INSL6: variants seen among roughly 807,000 people sequenced by gnomAD.
INSL6 encodes the protein insulin-like peptide INSL6.
In INSL6, 16 loss-of-function variants were observed where a neutral mutation model predicts 9.4. The ratio of observed to expected loss-of-function variants is 1.70; its 90% CI spans 1.15 to 2.59. The LOEUF (loss-of-function observed/expected upper bound fraction) is 2.59, where lower values mean the gene tolerates loss of function less well. INSL6 is among the 30% of genes most tolerant of loss of function. The pLI is 0.00. For synonymous variants in INSL6, 154 were observed against 96.9 expected (o/e 1.59, Z -3.46); for missense variants, 391 against 257.3 (o/e 1.52, Z -3.56).
downstream of INSL6, among the ~76,000 whole-genome samples, chr9:5,120,273 G>A (rs1023531470): frequency 6.6e-6 from 1 of 152,200 alleles, no homozygotes; most frequent in African/African-American, 2.4e-5. Context: ...TGAGGGAGAA[G>A]CCCTCATGGC....
chr9:5,167,380 G>C (rs1240863942), intron 1 of INSL6, among the ~76,000 whole-genome samples: 1 of 152,198 alleles, frequency 6.6e-6, no homozygotes, highest in African/African-American at 2.4e-5. Context: ...CGAGTTCCTG[G>C]GGGGAAGAGG....
downstream of INSL6, among the ~76,000 whole-genome samples, chr9:5,159,296 A>G (rs979590034): frequency 1.8e-4 from 27 of 152,288 alleles, no homozygotes; most frequent in African/African-American, 6.3e-4. Flanking sequence ...TTACTTGTCA[A>G]TAACAAAATT....
At chr9:5,112,809 T>C in the INSL6 span, 2 of 542,872 alleles carry the variant, frequency 3.7e-6, no homozygotes, top group Non-Finnish European at 3.0e-6. Context: ...GCTGCCCACC[T>C]GGGCTTGAGT....
chr9:5,141,002 G>A (rs1824485243), intron 2 of INSL6, among the ~76,000 whole-genome samples: 1 of 151,974 alleles, frequency 6.6e-6, no homozygotes, highest in Non-Finnish European at 1.5e-5. Flanking sequence ...AAGGATAATG[G>A]CCTCTAGCTC....
At chr9:5,026,491 G>T in the INSL6 span, among the ~76,000 whole-genome samples, 1 of 152,084 alleles carries the variant, frequency 6.6e-6, no homozygotes, top group South Asian at 2.1e-4. Context: ...TTTGTCATTT[G>T]TGCCGTTTCT....
intron 2 of INSL6, among the ~76,000 whole-genome samples, chr9:5,154,128 C>T (rs1362524755): frequency 2.0e-5 from 3 of 152,088 alleles, no homozygotes. Context: ...AACAGAGATA[C>T]AGACCAATGG....
At chr9:5,015,882 T>C in the INSL6 span, among the ~76,000 whole-genome samples, 1 of 150,540 alleles carries the variant, frequency 6.6e-6, no homozygotes, top group Non-Finnish European at 1.5e-5. Flanking sequence ...GATTGTGTCA[T>C]ATTAAAATAT....
At chr9:5,083,044 A>G in the INSL6 span, among the ~76,000 whole-genome samples, 1 of 152,234 alleles carries the variant, frequency 6.6e-6, no homozygotes, top group African/African-American at 2.4e-5. Flanking sequence ...GTGCATGAAC[A>G]TCTTCAAGAG....
the INSL6 span, among the ~76,000 whole-genome samples, chr9:5,046,402 A>G: frequency 2.0e-5 from 3 of 152,122 alleles, no homozygotes; most frequent in Non-Finnish European, 4.4e-5. Context: ...CAAAAGTTTT[A>G]AATTTGGCTG....
the INSL6 span, among the ~76,000 whole-genome samples, chr9:4,993,799 A>T: frequency 2.0e-5 from 3 of 152,194 alleles, no homozygotes; most frequent in Non-Finnish European, 2.9e-5. Context: ...TAAGAAAAAA[A>T]TGGATTCCTG....
chr9:5,076,996 G>A, the INSL6 span, among the ~76,000 whole-genome samples: 3 of 151,878 alleles, frequency 2.0e-5, no homozygotes, highest in Non-Finnish European at 1.5e-5. Context: ...ATTTTTTGCA[G>A]AATTAAAAGA....
At chr9:5,111,589 C>G in the INSL6 span, 1 of 366,276 alleles carries the variant, frequency 2.7e-6, no homozygotes, top group African/African-American at 2.2e-5. Context: ...AAGCCGAGCT[C>G]TGGAGTTCCC....
At chr9:5,022,272 G>A in the INSL6 span, 2 of 1,127,046 alleles carry the variant, frequency 1.8e-6, no homozygotes, top group Non-Finnish European at 1.3e-6. Flanking sequence ...ATTATGCTAT[G>A]CTAATACTAG....
rs184633645 is a variant in INSL6 at position 5,142,448 on chromosome 9, T to G, written c.377-8856A>C. On this transcript the variant is annotated intron_variant, in intron 2 of 3. Coordinates refer to the INSL6 transcript ENST00000649639. ...TTTCATTTTCTTAGTTAACTGTATTTCTAGCTATTCTAACTGTGAATGGGA... is the reference window on the plus strand; with the variant it reads ...TTTCATTTTCTTAGTTAACTGTATTGCTAGCTATTCTAACTGTGAATGGGA... Among the ~76,000 whole-genome samples, 16 of 151,478 alleles carry G rather than the reference T, an allele frequency of 1.1e-4. No individual in the cohort carries two copies. In the East Asian group the frequency reaches 3.1e-3, roughly 29 times the overall value.
chr9:5,044,049 A>C, the INSL6 span, among the ~76,000 whole-genome samples: 1 of 152,216 alleles, frequency 6.6e-6, no homozygotes. Context: ...CAAATAAGCA[A>C]TTATTTGTTT....
At chr9:5,023,273 C>G in the INSL6 span, among the ~76,000 whole-genome samples, 4 of 152,178 alleles carry the variant, frequency 2.6e-5, no homozygotes, top group South Asian at 2.1e-4. Flanking sequence ...CTTTCAGTTC[C>G]TGGCTTATTT....
rs949882923 is a variant in INSL6, at chr9:5,164,134, T to C, written c.421A>G (p.Ile141Val). The change falls in exon 2 of 2, where the codon ATT (isoleucine) becomes GTT (valine). Residue 141 changes from isoleucine to valine, a missense_variant. Coordinates refer to ENST00000381641, the MANE Select transcript of INSL6 (RefSeq NM_007179.3). ...TTCTGAAATTTTGCATTCTCATGAA[T>C]ATATACATTGATATTATGTGATGAA... ...FSSSHNINVY[I>V]HENAKFQKKR... 3 of 1,611,562 alleles carry C rather than the reference T, an allele frequency of 1.9e-6. No individual in the cohort carries two copies. In the African/African-American group the frequency reaches 4.0e-5, roughly 22 times the overall value.
the INSL6 span, chr9:5,111,285 C>T: frequency 2.1e-6 from 1 of 480,704 alleles, no homozygotes; most frequent in Non-Finnish European, 4.0e-6. Context: ...GGCTGGCTTC[C>T]TGCCGGGCAA....
chr9:5,117,497 T>C, the INSL6 span, among the ~76,000 whole-genome samples: 2 of 152,216 alleles, frequency 1.3e-5, no homozygotes, highest in African/African-American at 4.8e-5. Flanking sequence ...CACTCATTTT[T>C]TCATAAGTAT....
Sources: gnomAD v4.1 joint callset for allele counts (sites outside exome capture counted in the v4.1 genomes callset) on GRCh38, gnomAD v4.1.1 for gene constraint, MANE v1.5 for transcripts, NCBI Gene and HGNC (gene_info 2026-07-23, HGNC 2026-07-21) for gene names.